DLC1: variants seen among roughly 807,000 people sequenced by gnomAD.
The protein encoded by DLC1 is DLC1 Rho GTPase activating protein.
DLC1 carries 54 observed loss-of-function variants against 140.3 expected under a neutral mutation model. The observed-to-expected ratio is 0.38, with a 90% confidence interval of 0.31 to 0.48. The LOEUF is 0.48. DLC1 is among the 20% of genes least tolerant of loss of function. The pLI is 0.96. For missense variants in DLC1, 2,536 were observed against 1,907.0 expected (o/e 1.33, Z -6.14); for synonymous variants, 986 against 728.1 (o/e 1.35, Z -5.70).
chr8:13,444,308 G>A (rs1459190895), intron 2 of DLC1, among the ~76,000 whole-genome samples: 2 of 152,066 alleles, frequency 1.3e-5, no homozygotes, highest in African/African-American at 2.4e-5. Context: ...CCGGTGGTGC[G>A]GGTTGGGGGA....
chr8:13,126,163 G>A (rs143909642), intron 5 of DLC1, among the ~76,000 whole-genome samples: 3 of 152,106 alleles, frequency 2.0e-5, no homozygotes, highest in African/African-American at 7.2e-5. Context: ...AGGCTTGTGC[G>A]GATCCAGTTA....
At chr8:13,552,139 A>C (rs996489337) in intron 1 of DLC1, among the ~76,000 whole-genome samples, 1 of 132,640 alleles carries the variant, frequency 7.5e-6, no homozygotes, top group South Asian at 2.3e-4. Flanking sequence ...ATATATATAT[A>C]TATCTGTCTA....
At chr8:13,251,620 G>C (rs1181695317) in intron 5 of DLC1, among the ~76,000 whole-genome samples, 1 of 152,046 alleles carries the variant, frequency 6.6e-6, no homozygotes, top group Non-Finnish European at 1.5e-5. Context: ...TATTCATTGA[G>C]TACCTGACTA....
intron 4 of DLC1, chr8:13,338,443 C>A (rs754334729): frequency 5.3e-5 from 8 of 152,144 alleles, no homozygotes; most frequent in Non-Finnish European, 1.2e-4. Context: ...AAGAATAAAT[C>A]ATTCTGCAAT....
At chr8:13,531,721 A>G (rs1015537470) in intron 1 of DLC1, among the ~76,000 whole-genome samples, 1 of 152,246 alleles carries the variant, frequency 6.6e-6, no homozygotes, top group South Asian at 2.1e-4. Context: ...AAGTCAATTA[A>G]GATGGGTGCT....
At chr8:13,349,557 G>GT (rs1194032367) in intron 4 of DLC1, among the ~76,000 whole-genome samples, 1 of 152,124 alleles carries the variant, frequency 6.6e-6, no homozygotes, top group East Asian at 1.9e-4. Context: ...CAGGAAACAC[G>GT]TTTTAGAGTG....
chr8:13,418,272 G>T (rs1327644593), intron 2 of DLC1, among the ~76,000 whole-genome samples: 2 of 152,106 alleles, frequency 1.3e-5, no homozygotes, highest in East Asian at 3.8e-4. Flanking sequence ...TGGTGTTTTA[G>T]ACATGAAGTC....
chr8:13,590,787 C>G (rs1805491302), intron 1 of DLC1, among the ~76,000 whole-genome samples: 1 of 152,066 alleles, frequency 6.6e-6, no homozygotes, highest in African/African-American at 2.4e-5. Flanking sequence ...AATTTATTTA[C>G]TCCATGCAAT....
chr8:13,299,904 G>A (rs1263374791), intron 5 of DLC1, among the ~76,000 whole-genome samples: 2 of 152,154 alleles, frequency 1.3e-5, no homozygotes, highest in African/African-American at 4.8e-5. Flanking sequence ...AACCAGAAAT[G>A]CCACTGAGTC....
Position 13,126,066 on chromosome 8 carries a change from A to C in DLC1, c.1349-10409T>G, listed in dbSNP as rs115905676. On this transcript the variant is annotated intron_variant, in intron 5 of 17. Coordinates refer to ENST00000276297, the MANE Select transcript of DLC1 (RefSeq NM_182643.3). ...TAAACCAGGAAAAGGCAAGCAGCTC[A>C]CATCAAAATATGTGCTCTTCCCTGG... Among the ~76,000 whole-genome samples, 887 of 152,234 alleles carry C rather than the reference A, an allele frequency of 5.8e-3. 12 individuals carry two copies. Among genetic ancestry groups the C allele is most frequent in the African/African-American group, 0.02 (844 of 41,544 alleles).
chr8:13,185,396 C>A (rs1374897425), intron 5 of DLC1, among the ~76,000 whole-genome samples: 3 of 151,786 alleles, frequency 2.0e-5, no homozygotes, highest in Admixed American at 6.6e-5. Flanking sequence ...AAAGCTCCAT[C>A]TCCTGGGTTC....
intron 1 of DLC1, among the ~76,000 whole-genome samples, chr8:13,602,725 A>G (rs890173258): frequency 6.6e-6 from 1 of 151,894 alleles, no homozygotes; most frequent in African/African-American, 2.4e-5. Flanking sequence ...CCCAGTTGCT[A>G]AAACAAAACA....
At chr8:13,122,742 T>C (rs984364510) in intron 5 of DLC1, among the ~76,000 whole-genome samples, 10 of 149,310 alleles carry the variant, frequency 6.7e-5, no homozygotes, top group African/African-American at 2.2e-4. Flanking sequence ...CACCAGCAAC[T>C]GACAGCATTC....
At position 13,451,684 on chromosome 8, in the gene DLC1, A is replaced by G. The variant is rs545167984; in HGVS notation, c.1023+47365T>C. Among the ~76,000 whole-genome samples, 28 of 152,270 alleles carry G rather than the reference A, an allele frequency of 1.8e-4. No homozygotes were observed. In the Middle Eastern group the frequency reaches 0.01, roughly 55 times the overall value. On this transcript the variant is annotated intron_variant, in intron 2 of 17. Transcript: ENST00000276297. ...GCCTCCAGTTCCATCCATGTTGAAA[A>G]TGACAGGATCACATTCTTTTTTTAA...
intron 5 of DLC1, among the ~76,000 whole-genome samples, chr8:13,270,887 G>C (rs1437892740): frequency 1.3e-5 from 2 of 152,112 alleles, no homozygotes; most frequent in Non-Finnish European, 1.5e-5. Flanking sequence ...GACTCTCTAA[G>C]CACTTTGCAG....
intron 1 of DLC1, among the ~76,000 whole-genome samples, chr8:13,551,095 A>G (rs571153530): frequency 1.0e-3 from 129 of 125,500 alleles, no homozygotes; most frequent in African/African-American, 3.6e-3. Flanking sequence ...TTTTCCAAAG[A>G]ACACTTTGTG....
intron 5 of DLC1, among the ~76,000 whole-genome samples, chr8:13,159,585 C>A (rs1277015364): frequency 6.6e-6 from 1 of 152,110 alleles, no homozygotes; most frequent in African/African-American, 2.4e-5. Flanking sequence ...CAATTATAAA[C>A]CCAGACTGGG....
At chr8:13,264,011 A>T (rs151285699) in intron 5 of DLC1, among the ~76,000 whole-genome samples, 367 of 151,954 alleles carry the variant, frequency 2.4e-3, no homozygotes, top group African/African-American at 8.0e-3. Context: ...GAATAAGTAA[A>T]TTAGGGCATA....
intron 5 of DLC1, among the ~76,000 whole-genome samples, chr8:13,176,290 C>G (rs1167475744): frequency 6.6e-6 from 1 of 151,500 alleles, no homozygotes; most frequent in Non-Finnish European, 1.5e-5. Context: ...AATAAAAACT[C>G]TCTTTTGTCC....
Sources: gnomAD v4.1 joint callset for allele counts (sites outside exome capture counted in the v4.1 genomes callset) on GRCh38, gnomAD v4.1.1 for gene constraint, MANE v1.5 for transcripts, NCBI Gene and HGNC (gene_info 2026-07-23, HGNC 2026-07-21) for gene names.